Variants in COL8A1 observed in about 807,000 individuals in gnomAD.
COL8A1 encodes collagen alpha-1(VIII) chain.
A neutral mutation model predicts 42.7 loss-of-function variants in COL8A1; 21 were observed. The observed-to-expected ratio is 0.49, with a 90% CI of 0.35 to 0.71. The LOEUF (loss-of-function observed/expected upper bound fraction) is 0.71, where lower values mean the gene tolerates loss of function less well. Among genes scored for constraint, COL8A1 ranks in the 30% least tolerant of loss-of-function variants. The pLI is 0.01. For missense variants in COL8A1, 788 were observed against 962.4 expected (o/e 0.82, Z 2.40); for synonymous variants, 367 against 369.1 (o/e 0.99, Z 0.06).
chr3:99,791,507 A>C (rs1157348628), intron 3 of COL8A1, among the ~76,000 whole-genome samples: 3 of 152,248 alleles, frequency 2.0e-5, no homozygotes, highest in Non-Finnish European at 4.4e-5. Context: ...ATACTACTCT[A>C]ATTACATATG....
chr3:99,657,701 C>T (rs1437883518), intron 1 of COL8A1, among the ~76,000 whole-genome samples: 2 of 152,144 alleles, frequency 1.3e-5, no homozygotes, highest in Non-Finnish European at 2.9e-5. Flanking sequence ...ATTCATTTTC[C>T]CTCACCTCTT....
intron 1 of COL8A1, among the ~76,000 whole-genome samples, chr3:99,654,247 T>C (rs1019496747): frequency 1.3e-5 from 2 of 152,176 alleles, no homozygotes; most frequent in African/African-American, 2.4e-5. Context: ...CCCACCCAGA[T>C]TGAGGGTGGA....
chr3:99,792,548 C>T (rs1314693614), intron 3 of COL8A1, among the ~76,000 whole-genome samples: 2 of 152,182 alleles, frequency 1.3e-5, no homozygotes, highest in African/African-American at 2.4e-5. Context: ...ATTTGAGAAA[C>T]GGTGACACCT....
intron 1 of COL8A1, among the ~76,000 whole-genome samples, chr3:99,685,845 T>G (rs1939033300): frequency 6.6e-6 from 1 of 152,222 alleles, no homozygotes; most frequent in East Asian, 1.9e-4. Flanking sequence ...AATATAATAG[T>G]CAGACTACTT....
At chr3:99,707,914 T>C (rs1418625285) in intron 1 of COL8A1, among the ~76,000 whole-genome samples, 3 of 152,066 alleles carry the variant, frequency 2.0e-5, no homozygotes, top group African/African-American at 4.8e-5. Context: ...TTATTATTAT[T>C]ATTTATTTTT....
intron 2 of COL8A1, among the ~76,000 whole-genome samples, chr3:99,749,608 T>A (rs1194971332): frequency 6.6e-6 from 1 of 152,210 alleles, no homozygotes; most frequent in East Asian, 1.9e-4. Flanking sequence ...ACTATTCATG[T>A]TCTAAAGGGT....
At chr3:99,756,666 G>C (rs933335189) in intron 2 of COL8A1, among the ~76,000 whole-genome samples, 13 of 152,314 alleles carry the variant, frequency 8.5e-5, no homozygotes, top group Non-Finnish European at 1.6e-4. Context: ...CTGAGCCAGT[G>C]GTTCTTTTAT....
intron 1 of COL8A1, among the ~76,000 whole-genome samples, chr3:99,736,561 T>C (rs931691451): frequency 6.6e-6 from 1 of 152,006 alleles, no homozygotes; most frequent in Non-Finnish European, 1.5e-5. Context: ...TTCTTAATCC[T>C]GAGTTCTAGT....
intron 1 of COL8A1, among the ~76,000 whole-genome samples, chr3:99,728,724 T>C (rs1184039207): frequency 6.6e-6 from 1 of 152,016 alleles, no homozygotes; most frequent in Admixed American, 6.6e-5. Flanking sequence ...TGGTTAAATA[T>C]ATGAATGGAT....
At chr3:99,728,347 G>A (rs1940399876) in intron 1 of COL8A1, among the ~76,000 whole-genome samples, 2 of 151,986 alleles carry the variant, frequency 1.3e-5, no homozygotes, top group Admixed American at 6.6e-5. Flanking sequence ...TCAGAACCTG[G>A]ATCATATCCC....
intron 1 of COL8A1, among the ~76,000 whole-genome samples, chr3:99,669,146 T>TATATATATATATATATATATATAGAG: frequency 6.9e-5 from 8 of 115,384 alleles, no homozygotes; most frequent in East Asian, 6.2e-4. Context: ...TATATATATA[T>TATATATATATATATATATATATAGAG]AGAGGGAGAG....
intron 1 of COL8A1, among the ~76,000 whole-genome samples, chr3:99,681,457 A>T (rs1052556676): frequency 6.6e-6 from 1 of 152,176 alleles, no homozygotes; most frequent in Non-Finnish European, 1.5e-5. Flanking sequence ...AGACTGAAAG[A>T]TTGGAGGGAG....
chr3:99,639,019 C>T (rs775288873), intron 1 of COL8A1, among the ~76,000 whole-genome samples: 1 of 151,972 alleles, frequency 6.6e-6, no homozygotes, highest in Non-Finnish European at 1.5e-5. Context: ...AAACGTTGTC[C>T]CATTGTCAAA....
At chr3:99,662,753 A>C (rs1938247736) in intron 1 of COL8A1, among the ~76,000 whole-genome samples, 1 of 152,050 alleles carries the variant, frequency 6.6e-6, no homozygotes, top group Admixed American at 6.5e-5. Flanking sequence ...CTAGCTTCTG[A>C]TGGTTTGCTG....
intron 1 of COL8A1, among the ~76,000 whole-genome samples, chr3:99,650,772 T>C (rs2107289317): frequency 6.6e-6 from 1 of 152,332 alleles, no homozygotes; most frequent in South Asian, 2.1e-4. Flanking sequence ...TATTTTAATC[T>C]CTTTAAATTT....
chr3:99,715,828 T>G (rs1262468564), intron 1 of COL8A1, among the ~76,000 whole-genome samples: 1 of 151,810 alleles, frequency 6.6e-6, no homozygotes, highest in Non-Finnish European at 1.5e-5. Context: ...TAAAGTGGGG[T>G]TGGGGTAAAG....
At chr3:99,718,807 A>C (rs1940072924) in intron 1 of COL8A1, among the ~76,000 whole-genome samples, 1 of 152,130 alleles carries the variant, frequency 6.6e-6, no homozygotes, top group African/African-American at 2.4e-5. Context: ...CCAGAATGCC[A>C]CAGCATCATT....
chr3:99,788,479 T>C (rs529604532), intron 2 of COL8A1, among the ~76,000 whole-genome samples: 2 of 152,338 alleles, frequency 1.3e-5, no homozygotes, highest in African/African-American at 4.8e-5. Context: ...TCACCACAAG[T>C]CTGGGGTTCC....
chr3:99,663,654 C>T (rs866376509), intron 1 of COL8A1, among the ~76,000 whole-genome samples: 8 of 151,898 alleles, frequency 5.3e-5, no homozygotes, highest in African/African-American at 9.7e-5. Flanking sequence ...TAATTGATTT[C>T]TGAAATTATG....
Sources: allele counts gnomAD v4.1 joint callset (sites outside exome capture counted in the v4.1 genomes callset), GRCh38; gene constraint gnomAD v4.1.1; transcripts MANE v1.5; gene names NCBI Gene and HGNC (gene_info 2026-07-23, HGNC 2026-07-21).